Variants in PRKD3 observed in about 807,000 individuals in gnomAD.
PRKD3 encodes the protein serine/threonine-protein kinase D3.
A neutral mutation model predicts 99.2 loss-of-function variants in PRKD3; 47 were observed. That is an observed-to-expected ratio of 0.47 (90% CI 0.38 to 0.60). PRKD3 has a LOEUF of 0.60. Among genes scored for constraint, PRKD3 ranks in the 20% least tolerant of loss-of-function variants. The pLI, the probability that PRKD3 is intolerant of heterozygous loss-of-function variation, is 0.00. For missense variants in PRKD3, 1,019 were observed against 1,088.4 expected, an observed-to-expected ratio of 0.94 and a Z score of 0.90; for synonymous variants, 392 against 355.4, an observed-to-expected ratio of 1.10 and a Z score of -1.16.
At chr2:37,267,825 A>G in intron 13 of PRKD3, 1 of 315,258 alleles carries the variant, frequency 3.2e-6, no homozygotes, top group Non-Finnish European at 5.8e-6. Flanking sequence ...ATAGTTAATT[A>G]CCCTGACCTA....
Position 37,316,419 on chromosome 2 carries a change from G to C in PRKD3, c.106C>G (p.Leu36Val), listed in dbSNP as rs771512842. The change falls in exon 2 of 19, where the codon CTC becomes GTC. Residue 36 changes from leucine (L) to valine (V), a missense_variant. Leu to Val is a conservative substitution (Grantham distance 32). This residue lies in a region of PRKD3 where 710 missense variants were observed against 692.7 expected (regional missense o/e 1.02). Transcript: ENST00000234179. ...ASPCSSPKTG[L>V]SARLSNGSFS... ...CTTCCATTAGAGAGTCGGGCAGAGA[G>C]TCCCGTCTTAGGACTTGAACACGGA... 1.2e-6 allele frequency: 2 copies of C among 1,614,270 alleles called. No homozygotes were observed. Among genetic ancestry groups the C allele is most frequent in the Admixed American group, 3.3e-5 (2 of 60,032 alleles).
chr2:37,324,380 G>T, intron 1 of PRKD3: 1 of 222,758 alleles, frequency 4.5e-6, no homozygotes, highest in Non-Finnish European at 7.5e-6. Context: ...TGCCCTCCGC[G>T]CGGACGCCGG....
At chr2:37,318,412 G>C (rs1671751022) in intron 1 of PRKD3, among the ~76,000 whole-genome samples, 2 of 152,144 alleles carry the variant, frequency 1.3e-5, no homozygotes, top group African/African-American at 4.8e-5. Flanking sequence ...GAAGCACAAG[G>C]CGATAACGCA....
At chr2:37,286,539 GA>G (rs1290930641) in intron 5 of PRKD3, among the ~76,000 whole-genome samples, 170 bp from the exon 6 acceptor site, 1 of 152,130 alleles carries the variant, frequency 6.6e-6, no homozygotes, top group Non-Finnish European at 1.5e-5. Flanking sequence ...CTTTGAATGA[GA>G]AAAATGCAGA....
intron 2 of PRKD3, among the ~76,000 whole-genome samples, chr2:37,297,851 T>C (rs962973561): frequency 1.3e-5 from 2 of 152,208 alleles, no homozygotes; most frequent in African/African-American, 2.4e-5. Context: ...TTGGTTGAGG[T>C]AGTGTTTGTC....
At chr2:37,322,805 C>A (rs548067303) in intron 1 of PRKD3, among the ~76,000 whole-genome samples, 2 of 152,052 alleles carry the variant, frequency 1.3e-5, no homozygotes, top group Non-Finnish European at 2.9e-5. Context: ...ACATAATCAG[C>A]GAGACTCAAA....
At chr2:37,293,027 G>T in intron 3 of PRKD3, 106 bp downstream of exon 3, 1 of 1,190,122 alleles carries the variant, frequency 8.4e-7, no homozygotes, top group Non-Finnish European at 1.1e-6. Flanking sequence ...AAGAAATTAA[G>T]TAACAATAAT....
At chr2:37,304,524 T>C (rs1671073656) in intron 2 of PRKD3, among the ~76,000 whole-genome samples, 1 of 152,108 alleles carries the variant, frequency 6.6e-6, no homozygotes, top group Non-Finnish European at 1.5e-5. Flanking sequence ...ATGGATCGCC[T>C]GAGGACAGGA....
chr2:37,277,779 CTCA>C, intron 9 of PRKD3, 84 bp downstream of exon 9: 1 of 1,403,756 alleles, frequency 7.1e-7, no homozygotes, highest in Non-Finnish European at 9.8e-7. Context: ...TAATATGTAT[CTCA>C]TCATCATTTT....
chr2:37,287,372 T>C (rs1670170443), intron 5 of PRKD3, among the ~76,000 whole-genome samples: 1 of 151,978 alleles, frequency 6.6e-6, no homozygotes, highest in Non-Finnish European at 1.5e-5. Context: ...TTTCCTTTTC[T>C]TCCCTTTTTT....
At chr2:37,284,210 ATTT>A (rs1018963671) in intron 6 of PRKD3, among the ~76,000 whole-genome samples, 199 of 152,284 alleles carry the variant, frequency 1.3e-3, no homozygotes, top group African/African-American at 4.6e-3. Context: ...AAATATTTTT[ATTT>A]TTTAAGTATC....
rs890379769 is a variant in PRKD3 at position 37,304,242 on chromosome 2, C to T, written c.289-10971G>A. Among the ~76,000 whole-genome samples the T allele has an allele frequency of 3.4e-5, 5 of 145,562 alleles. No individual in the cohort carries two copies. The South Asian group carries it at 8.8e-4, about 26-fold the overall frequency. On this transcript the variant is annotated intron_variant, in intron 2 of 18. Transcript: ENST00000234179. ...GAAGTGTTGACTATTGAGCAACTAA[C>T]TTAGCACTAATAAATTACACAGAAA... is the stretch of plus-strand genomic sequence containing the variant.
Position 37,279,885 on chromosome 2 carries a change from C to A in PRKD3, c.1033G>T (p.Asp345Tyr). The change falls in exon 8 of 19, where the codon GAC becomes TAC. Residue 345 changes from aspartate (D) to tyrosine (Y), a missense_variant. Coordinates refer to ENST00000234179, the MANE Select transcript of PRKD3 (RefSeq NM_005813.6). ...GTDTDIPMDIDNNDINSDSSR... is the reference protein window; with the variant it reads ...GTDTDIPMDIYNNDINSDSSR... ...CTATCACTATTTATGTCATTATTGTCAATATCCATTGGTATATCTGTATCT... is the reference window on the plus strand; with the variant it reads ...CTATCACTATTTATGTCATTATTGTAAATATCCATTGGTATATCTGTATCT... 1 of 1,612,852 alleles carries A rather than the reference C, an allele frequency of 6.2e-7. No homozygotes were observed. Among genetic ancestry groups the A allele is most frequent in the Non-Finnish European group, 8.5e-7 (1 of 1,179,312 alleles).
chr2:37,290,826 G>A (rs1558560398), intron 4 of PRKD3, 42 bp downstream of exon 4: 1 of 1,525,954 alleles, frequency 6.6e-7, no homozygotes, highest in Non-Finnish European at 8.9e-7. Flanking sequence ...TGCAAATGTG[G>A]AATCTTATTT....
intron 2 of PRKD3, among the ~76,000 whole-genome samples, chr2:37,306,670 G>A (rs1245838025): frequency 1.3e-5 from 2 of 152,108 alleles, no homozygotes; most frequent in Admixed American, 6.5e-5. Flanking sequence ...TTAGCCGAGC[G>A]TGGTGGCCGG....
At chr2:37,312,018 T>C (rs373115423) in intron 2 of PRKD3, among the ~76,000 whole-genome samples, 25 of 152,338 alleles carry the variant, frequency 1.6e-4, no homozygotes, top group African/African-American at 6.0e-4. Flanking sequence ...CTGATCCTTG[T>C]AACATGTGGC....
At position 37,316,634 on chromosome 2, in the gene PRKD3, G is replaced by T. The variant is rs928532015; in HGVS notation, c.-110C>A. The T allele has an allele frequency of 3.2e-5, 48 of 1,486,206 alleles. No individual in the cohort carries two copies. Among genetic ancestry groups the T allele is most frequent in the Non-Finnish European group, 4.1e-5 (46 of 1,125,846 alleles). 92.1% of individuals were successfully genotyped at this position (1,486,206 alleles called of 1,614,324 possible). A position where few individuals can be genotyped will look rare whatever the true frequency, so the allele number is the denominator to read the frequency against. On this transcript the variant is annotated 5_prime_UTR_variant, in exon 2 of 19. The change creates a premature stop within an existing upstream ORF in the 5' untranslated region. Coordinates refer to ENST00000234179, the MANE Select transcript of PRKD3 (RefSeq NM_005813.6). ...AATGACCGCACTTTTGGATTTAGTT[G>T]AAAACTTCTTTATTTCCTCTGTTAA...
chr2:37,286,041 A>G (rs1396155845), intron 6 of PRKD3, 136 bp downstream of exon 6: 2 of 808,280 alleles, frequency 2.5e-6, no homozygotes, highest in Admixed American at 3.1e-5. Flanking sequence ...TATTTTGTTT[A>G]TATTTCTCTT....
At chr2:37,311,042 T>C (rs1401235475) in intron 2 of PRKD3, among the ~76,000 whole-genome samples, 1 of 152,106 alleles carries the variant, frequency 6.6e-6, no homozygotes, top group Non-Finnish European at 1.5e-5. Context: ...AAACTTTTTA[T>C]CTGACCAAGC....
Sources: gnomAD v4.1 joint callset for allele counts (sites outside exome capture counted in the v4.1 genomes callset) on GRCh38, gnomAD v4.1.1 for gene constraint, gnomAD v4.1.1 regional missense constraint, MANE v1.5 for transcripts, NCBI Gene and HGNC (gene_info 2026-07-23, HGNC 2026-07-21) for gene names.